Variants in SOX5 observed in about 807,000 individuals in gnomAD.
The protein encoded by SOX5 is transcription factor SOX-5.
A neutral mutation model predicts 92.0 loss-of-function variants in SOX5; 9 were observed. The observed-to-expected ratio is 0.10, with a 90% CI of 0.06 to 0.17. The LOEUF (loss-of-function observed/expected upper bound fraction) is 0.17. Among genes scored for constraint, SOX5 ranks in the 10% least tolerant of loss-of-function variants. SOX5 has a pLI of 1.00. For missense variants in SOX5, 642 were observed against 944.5 expected, an observed-to-expected ratio of 0.68 and a Z score of 4.20; for synonymous variants, 344 against 336.3, an observed-to-expected ratio of 1.02 and a Z score of -0.25.
At chr12:24,106,549 G>A (rs761333347) in intron 4 of SOX5, among the ~76,000 whole-genome samples, 1 of 152,062 alleles carries the variant, frequency 6.6e-6, no homozygotes, top group African/African-American at 2.4e-5. Context: ...CCAGGACTTC[G>A]GGAGGTCGAC....
intron 4 of SOX5, among the ~76,000 whole-genome samples, chr12:23,997,922 A>C (rs1166075161): frequency 6.6e-6 from 1 of 152,206 alleles, no homozygotes; most frequent in African/African-American, 2.4e-5. Flanking sequence ...TCATTAATCA[A>C]ATTAAAAACA....
At chr12:23,691,196 T>A (rs2088724524) in intron 6 of SOX5, among the ~76,000 whole-genome samples, 1 of 152,172 alleles carries the variant, frequency 6.6e-6, no homozygotes, top group Non-Finnish European at 1.5e-5. Context: ...AATGACTATG[T>A]GAGGGAGAAT....
rs117750939 is a variant in SOX5, at chr12:23,866,374, C to T, written c.271-20181G>A. ...TAAAGTACATATAATTTGTTATGAACAAGTAGATGTTAGTAATGCGAAAGT... is the reference window on the plus strand; with the variant it reads ...TAAAGTACATATAATTTGTTATGAATAAGTAGATGTTAGTAATGCGAAAGT... On this transcript the variant is annotated intron_variant, in intron 2 of 14. Transcript: ENST00000451604. Among the ~76,000 whole-genome samples, 387 of 152,126 alleles carry T rather than the reference C, an allele frequency of 2.5e-3. 1 individual carries two copies. Among genetic ancestry groups the T allele is most frequent in the Non-Finnish European group, 4.6e-3 (315 of 67,994 alleles).
At chr12:24,233,845 T>C (rs1435183464) in intron 3 of SOX5, among the ~76,000 whole-genome samples, 2 of 152,220 alleles carry the variant, frequency 1.3e-5, no homozygotes, top group African/African-American at 4.8e-5. Flanking sequence ...GATAATAGAA[T>C]CATGTGTCTT....
Position 23,540,619 on chromosome 12 carries a change from A to G in SOX5, c.1771+2592T>C, listed in dbSNP as rs1201185997. On this transcript the variant is annotated intron_variant, in intron 13 of 14. Coordinates refer to ENST00000451604, the MANE Select transcript of SOX5 (RefSeq NM_006940.6). ...TGAATTTGCACATTTTACTCCAACT[A>G]AACTACTGTATATCTAATCAGAAAA... Among the ~76,000 whole-genome samples the G allele has an allele frequency of 2.6e-5, 4 of 152,158 alleles. No individual in the cohort carries two copies. In the East Asian group the frequency reaches 7.7e-4, roughly 29 times the overall value.
chr12:23,571,134 A>C (rs1368674974), intron 10 of SOX5, among the ~76,000 whole-genome samples: 1 of 149,002 alleles, frequency 6.7e-6, no homozygotes, highest in African/African-American at 2.4e-5. Flanking sequence ...GGACAACAGA[A>C]AGAGTAAGTT....
chr12:24,391,741 A>C (rs936712673), intron 1 of SOX5, among the ~76,000 whole-genome samples: 16 of 152,196 alleles, frequency 1.1e-4, no homozygotes, highest in African/African-American at 3.6e-4. Flanking sequence ...CTTCTGGTGA[A>C]CACTGCTTTC....
chr12:23,702,148 AT>A (rs1424267876), intron 6 of SOX5, among the ~76,000 whole-genome samples: 1 of 152,034 alleles, frequency 6.6e-6, no homozygotes, highest in East Asian at 1.9e-4. Flanking sequence ...GTCTCTAACC[AT>A]TTTTTATTAA....
At chr12:24,269,839 A>ATTTT (rs56939628) in intron 3 of SOX5, among the ~76,000 whole-genome samples, 6 of 62,122 alleles carry the variant, frequency 9.7e-5, no homozygotes, top group Admixed American at 2.5e-4. Context: ...CCACCATGCA[A>ATTTT]TTTTTTTTTT....
At chr12:23,822,092 T>G (rs1814009732) in intron 3 of SOX5, among the ~76,000 whole-genome samples, 2 of 152,164 alleles carry the variant, frequency 1.3e-5, no homozygotes, top group Admixed American at 1.3e-4. Context: ...ATTCATTGAT[T>G]TTTTGAAGGG....
intron 1 of SOX5, among the ~76,000 whole-genome samples, chr12:24,430,253 C>T (rs1380583980): frequency 1.3e-5 from 2 of 152,142 alleles, no homozygotes; most frequent in South Asian, 2.1e-4. Context: ...TGTTTGCTGA[C>T]TGGCCAGGCC....
At chr12:24,470,922 C>A (rs752138286) in intron 1 of SOX5, among the ~76,000 whole-genome samples, 1 of 152,020 alleles carries the variant, frequency 6.6e-6, no homozygotes, top group African/African-American at 2.4e-5. Flanking sequence ...CCTGGAATAC[C>A]GTAAATATTT....
intron 1 of SOX5, among the ~76,000 whole-genome samples, chr12:23,942,611 C>T (rs1350915178): frequency 6.6e-6 from 1 of 150,844 alleles, no homozygotes; most frequent in Non-Finnish European, 1.5e-5. Context: ...CCCAATTGAT[C>T]TAACTCCCTT....
chr12:24,448,013 T>A (rs1342524394), intron 1 of SOX5, among the ~76,000 whole-genome samples: 1 of 152,076 alleles, frequency 6.6e-6, no homozygotes, highest in Non-Finnish European at 1.5e-5. Context: ...AAACCCTATC[T>A]CTACTAAAAA....
intron 2 of SOX5, among the ~76,000 whole-genome samples, chr12:24,339,791 T>C (rs549090180): frequency 6.9e-4 from 105 of 152,300 alleles, no homozygotes; most frequent in African/African-American, 2.4e-3. Flanking sequence ...GCCACAAAAG[T>C]TCCCCTTCAG....
intron 4 of SOX5, among the ~76,000 whole-genome samples, chr12:24,026,370 T>A (rs1337327550): frequency 6.6e-6 from 1 of 151,974 alleles, no homozygotes; most frequent in East Asian, 1.9e-4. Context: ...GATTGTAATT[T>A]AATAGTGGCT....
At chr12:23,839,757 C>T (rs1245169411) in intron 3 of SOX5, among the ~76,000 whole-genome samples, 1 of 149,800 alleles carries the variant, frequency 6.7e-6, no homozygotes, top group South Asian at 2.1e-4. Flanking sequence ...AAATATTTGA[C>T]AAATTCTAAC....
intron 4 of SOX5, among the ~76,000 whole-genome samples, chr12:24,119,801 T>C (rs1454588354): frequency 1.3e-5 from 2 of 152,140 alleles, no homozygotes; most frequent in African/African-American, 4.8e-5. Flanking sequence ...AAATAAAGCA[T>C]TACCAGCACC....
At chr12:23,951,212 T>C (rs947731413), upstream of SOX5, among the ~76,000 whole-genome samples, 2 of 151,994 alleles carry the variant, frequency 1.3e-5, no homozygotes, top group Admixed American at 6.6e-5. Flanking sequence ...ATTCTGGAAA[T>C]GGAGCAGACA....
Sources: allele counts gnomAD v4.1 joint callset (sites outside exome capture counted in the v4.1 genomes callset), GRCh38; gene constraint gnomAD v4.1.1; transcripts MANE v1.5; gene names NCBI Gene and HGNC (gene_info 2026-07-23, HGNC 2026-07-21).